Variants in TEX36 observed in about 807,000 individuals in gnomAD.
The protein encoded by TEX36 is testis expressed 36, also known as testis-expressed protein 36.
In TEX36, 12 loss-of-function variants were observed where a neutral mutation model predicts 13.6. The ratio of observed to expected loss-of-function variants is 0.88; its 90% confidence interval spans 0.56 to 1.43. TEX36 has a LOEUF of 1.43. TEX36 is among the 40% of genes most tolerant of loss of function. The pLI is 0.00. For synonymous variants in TEX36, 93 were observed against 83.0 expected, an observed-to-expected ratio of 1.12 and a Z score of -0.65; for missense variants, 224 against 228.3, an observed-to-expected ratio of 0.98 and a Z score of 0.12.
At chr10:125,608,824 A>T (rs1846249893) in intron 3 of TEX36, among the ~76,000 whole-genome samples, 1 of 152,038 alleles carries the variant, frequency 6.6e-6, no homozygotes, top group South Asian at 2.1e-4. Flanking sequence ...GAGGTAATAC[A>T]TGCATGGAAT....
chr10:125,626,806 C>T (rs144256635), intron 3 of TEX36, among the ~76,000 whole-genome samples: 179 of 152,308 alleles, frequency 1.2e-3, no homozygotes, highest in African/African-American at 4.0e-3. Flanking sequence ...GAAACCTGCA[C>T]ACAAACCAAG....
At position 125,630,489 on chromosome 10, in the gene TEX36, G is replaced by A. The variant is rs925325078; in HGVS notation, c.265-8844C>T. Among the ~76,000 whole-genome samples, 4 of 152,200 alleles carry A rather than the reference G, an allele frequency of 2.6e-5. No individual in the cohort carries two copies. The South Asian group carries it at 6.2e-4, about 24-fold the overall frequency. Reference sequence around the variant, plus strand: ...TTGCAAGGATGAATGTTCTGAGAGAGAGAATACTAGGCAAAAGCTCTATTC... The same window carrying A: ...TTGCAAGGATGAATGTTCTGAGAGAAAGAATACTAGGCAAAAGCTCTATTC... On this transcript the variant is annotated intron_variant, in intron 3 of 3. Transcript: ENST00000526819.
At chr10:125,628,623 A>T (rs1160792321) in intron 3 of TEX36, among the ~76,000 whole-genome samples, 3 of 152,262 alleles carry the variant, frequency 2.0e-5, no homozygotes, top group Admixed American at 6.5e-5. Context: ...GTTTTGGAGG[A>T]ATCTTTTAGA....
At chr10:125,617,223 G>C (rs1378013941), downstream of TEX36, among the ~76,000 whole-genome samples, 4 of 151,478 alleles carry the variant, frequency 2.6e-5, no homozygotes, top group African/African-American at 9.7e-5. Flanking sequence ...ACACTGATGG[G>C]TCTTGACTCT....
intron 3 of TEX36, among the ~76,000 whole-genome samples, chr10:125,644,509 G>A (rs933379554): frequency 6.6e-6 from 1 of 152,148 alleles, no homozygotes; most frequent in Non-Finnish European, 1.5e-5. Context: ...GACATGATTA[G>A]CTAATTAAGA....
chr10:125,597,852 A>G (rs1265697290), intron 3 of TEX36, among the ~76,000 whole-genome samples: 3 of 152,228 alleles, frequency 2.0e-5, no homozygotes, highest in Admixed American at 6.5e-5. Context: ...TCAAGGACAT[A>G]TGCTAGGTGT....
At chr10:125,623,309 T>C (rs1371853077) in intron 3 of TEX36, among the ~76,000 whole-genome samples, 1 of 152,174 alleles carries the variant, frequency 6.6e-6, no homozygotes, top group East Asian at 1.9e-4. Context: ...CCCACCCACA[T>C]TGAGGGTAGG....
At chr10:125,597,311 G>C (rs890029199) in intron 3 of TEX36, among the ~76,000 whole-genome samples, 3 of 152,120 alleles carry the variant, frequency 2.0e-5, no homozygotes, top group Non-Finnish European at 4.4e-5. Flanking sequence ...CTGTTACCAA[G>C]CTGTACTTGG....
At chr10:125,646,565 T>C (rs9422908) in intron 3 of TEX36, among the ~76,000 whole-genome samples, 1,867 of 152,032 alleles carry the variant, frequency 0.012, 36 homozygotes, top group African/African-American at 0.042. Context: ...TTAGTAAACA[T>C]GAAAGCATAC....
At chr10:125,623,815 C>A (rs1055744450) in intron 3 of TEX36, among the ~76,000 whole-genome samples, 3 of 152,168 alleles carry the variant, frequency 2.0e-5, no homozygotes, top group Non-Finnish European at 4.4e-5. Flanking sequence ...AAGGATTGGA[C>A]ATAAATTATT....
chr10:125,658,475 A>G (rs1265037649), intron 3 of TEX36, among the ~76,000 whole-genome samples: 1 of 152,150 alleles, frequency 6.6e-6, no homozygotes, highest in Non-Finnish European at 1.5e-5. Context: ...TGACAGATCA[A>G]TACAAAAATT....
chr10:125,675,983 T>C (rs1322573913), intron 1 of TEX36, among the ~76,000 whole-genome samples: 2 of 152,262 alleles, frequency 1.3e-5, no homozygotes, highest in Non-Finnish European at 2.9e-5. Flanking sequence ...TGAGAAGATA[T>C]GTAATGACTT....
intron 3 of TEX36, among the ~76,000 whole-genome samples, chr10:125,615,452 A>G (rs113220838): frequency 6.6e-6 from 1 of 152,142 alleles, no homozygotes; most frequent in East Asian, 1.9e-4. Flanking sequence ...TTTGAGATAC[A>G]TCCCATCAAT....
downstream of TEX36, among the ~76,000 whole-genome samples, chr10:125,651,302 T>C (rs552617619): frequency 6.6e-6 from 1 of 152,184 alleles, no homozygotes; most frequent in East Asian, 1.9e-4. Context: ...TCCACCATGA[T>C]CAAGTTGGCT....
intron 3 of TEX36, among the ~76,000 whole-genome samples, chr10:125,594,098 C>T (rs747222370): frequency 1.2e-4 from 18 of 152,228 alleles, no homozygotes; most frequent in South Asian, 1.0e-3. Context: ...TCTCCCAAGA[C>T]GTAGAAGGAC....
chr10:125,646,373 A>G (rs7896595), intron 3 of TEX36, among the ~76,000 whole-genome samples: 3,978 of 152,210 alleles, frequency 0.026, 178 homozygotes, highest in African/African-American at 0.09. Context: ...AAAGAAAACA[A>G]CTGCAAGCTA....
chr10:125,576,667 AG>A (rs1845827718), exon 4 of TEX36: 26 of 1,492,010 alleles, frequency 1.7e-5, no homozygotes, highest in Non-Finnish European at 2.1e-5. Flanking sequence ...CTAAGACAAA[AG>A]GTCCTTTTCT....
intron 3 of TEX36, among the ~76,000 whole-genome samples, chr10:125,645,711 A>G (rs1000389982): frequency 6.6e-6 from 1 of 152,216 alleles, no homozygotes; most frequent in Non-Finnish European, 1.5e-5. Context: ...GTTATGCCAG[A>G]TATTAGCATT....
At chr10:125,682,816 A>G (rs1847417295) in intron 1 of TEX36, 123 bp downstream of exon 1, 1 of 1,090,104 alleles carries the variant, frequency 9.2e-7, no homozygotes, top group Non-Finnish European at 1.4e-6. Flanking sequence ...GAGGTTGAGT[A>G]AAGTGAAGTG....
Sources: allele counts gnomAD v4.1 joint callset (sites outside exome capture counted in the v4.1 genomes callset), GRCh38; gene constraint gnomAD v4.1.1; transcripts MANE v1.5; gene names NCBI Gene and HGNC (gene_info 2026-07-23, HGNC 2026-07-21).